Variants in DMAC2 observed in about 807,000 individuals in gnomAD.
DMAC2 encodes distal membrane-arm assembly complex protein 2.
A neutral mutation model predicts 29.6 loss-of-function variants in DMAC2; 32 were observed. The observed-to-expected ratio is 1.08, with a 90% CI of 0.81 to 1.45. The LOEUF (loss-of-function observed/expected upper bound fraction) is 1.45. Among genes scored for constraint, DMAC2 ranks in the 40% most tolerant of loss-of-function variants. The pLI, the probability that DMAC2 is intolerant of heterozygous loss-of-function variation, is 0.00. For missense variants in DMAC2, 319 were observed against 340.0 expected, an observed-to-expected ratio of 0.94 and a Z score of 0.49; for synonymous variants, 133 against 137.4, an observed-to-expected ratio of 0.97 and a Z score of 0.23.
Position 41,431,913 on chromosome 19 carries a change from C to A in DMAC2, c.*318G>T. 2.5e-6 allele frequency: 1 copy of A among 405,530 alleles called. No homozygotes were observed. The highest frequency in any genetic ancestry group is 4.6e-6 in the Non-Finnish European group (1 of 219,138). The allele number at this position is 405,530 out of a possible 1,614,324, so 25.1% of individuals were successfully genotyped here. On this transcript the variant is annotated 3_prime_UTR_variant, in exon 6 of 6. Coordinates refer to ENST00000221943, the MANE Select transcript of DMAC2 (RefSeq NM_018035.3). ...CCTGCAAGAAATGGCAGTGCACTCA[C>A]ATAAGGACAGTTTGAGAAGAGTCTC...
rs1349870222 is a variant in DMAC2 at position 41,432,674 on chromosome 19, G to GTGTGTGTGTGTGTGTGTGTA, written c.597-267_597-266insTACACACACACACACACACA. 4.4e-5 allele frequency: 16 copies of GTGTGTGTGTGTGTGTGTGTA among 366,046 alleles called. 1 individual carries two copies. Among genetic ancestry groups the GTGTGTGTGTGTGTGTGTGTA allele is most frequent in the Middle Eastern group, 8.1e-4 (1 of 1,240 alleles). The allele number at this position is 366,046 out of a possible 1,614,324, so 22.7% of individuals were successfully genotyped here. ...ACAGCGTGTGTGTGTGTGTGTGTGTGTGTATAGGGAGATAAGCCAGTATAA... is the reference window on the plus strand; with the variant it reads ...ACAGCGTGTGTGTGTGTGTGTGTGTGTGTGTGTGTGTGTGTGTGTATGTATAGGGAGATAAGCCAGTATAA... On this transcript the variant is annotated intron_variant, in intron 5 of 5. Transcript: ENST00000221943.
rs2122184673 is a variant in DMAC2 at position 41,432,294 on chromosome 19, A to G, written c.711T>C (p.Ala237=). The stretch of plus-strand genomic sequence containing the variant: ...CCTCCGGCCCTGACTTCAGGCCCTC[A>G]GCCCAGTCGACTCCCACAACCTCGC... The part of the protein sequence containing the change: ...PNCEVVGVDW[A]EGLKSGPEEQ... The change falls in exon 6 of 6, where the codon GCT becomes GCC. Residue 237 remains alanine, a synonymous_variant. Coordinates refer to ENST00000221943, the MANE Select transcript of DMAC2 (RefSeq NM_018035.3). The G allele has an allele frequency of 6.2e-7, 1 of 1,614,172 alleles. No individual in the cohort carries two copies. The highest frequency in any genetic ancestry group is 8.5e-7 in the Non-Finnish European group (1 of 1,180,018).
At position 41,433,393 on chromosome 19, in the gene DMAC2, A is replaced by AGCAGCGCT; in HGVS notation, c.467_474dup (p.Cys159SerfsTer85). On this transcript the variant is annotated frameshift_variant, in exon 5 of 6. Transcript: ENST00000221943. LOFTEE classifies it high-confidence loss of function. The stretch of plus-strand genomic sequence containing the variant: ...CTGAGACACCAGTCGTCCACGTGGC[A>AGCAGCGCT]GCAGCGCTGCAGCGACAAGGACTGG... 1 of 1,613,478 alleles carries AGCAGCGCT rather than the reference A, an allele frequency of 6.2e-7. No individual in the cohort carries two copies. Among genetic ancestry groups the AGCAGCGCT allele is most frequent in the African/African-American group, 1.3e-5 (1 of 75,056 alleles).
Position 41,433,689 on chromosome 19 carries a change from G to C in DMAC2, c.297-16C>G, listed in dbSNP as rs782757473. The C allele has an allele frequency of 1.8e-5, 29 of 1,613,992 alleles. No homozygotes were observed. Among genetic ancestry groups the C allele is most frequent in the Non-Finnish European group, 8.5e-7 (1 of 1,179,964 alleles). On this transcript the variant is annotated splice_polypyrimidine_tract_variant and intron_variant, in intron 3 of 5. Coordinates refer to ENST00000221943, the MANE Select transcript of DMAC2 (RefSeq NM_018035.3). The stretch of plus-strand genomic sequence containing the variant: ...GTCTCGAAACCTGGAAACGGGAAAG[G>C]GAGTGTCAGCAGGGCACCTGAACCT...
intron 5 of DMAC2, chr19:41,432,618 A>ATG (rs146967268): frequency 1.8e-3 from 557 of 316,994 alleles, no homozygotes; most frequent in Middle Eastern, 2.8e-3. Flanking sequence ...TAAGGACAGC[A>ATG]TGTGTGTGTG....
intron 3 of DMAC2, among the ~76,000 whole-genome samples, chr19:41,434,751 C>T (rs1010903850): frequency 2.6e-5 from 4 of 151,752 alleles, no homozygotes; most frequent in Non-Finnish European, 5.9e-5. Context: ...CGCCTGTAAT[C>T]CCCAGCACTT....
rs369797390 is a variant in DMAC2 at position 41,438,465 on chromosome 19, C to G, written c.19-51G>C. ...TGAGCCTGGAGCCTCCTGGGAGACA[C>G]AGAGCTGGATCCCCCAGTTCTTGCT... On this transcript the variant is annotated intron_variant, in intron 1 of 5. Coordinates refer to ENST00000221943, the MANE Select transcript of DMAC2 (RefSeq NM_018035.3). The G allele has an allele frequency of 7.3e-5, 107 of 1,475,770 alleles. 1 individual carries two copies. The highest frequency in any genetic ancestry group is 4.6e-4 in the Middle Eastern group (2 of 4,354). The allele number at this position is 1,475,770 out of a possible 1,614,324, so 91.4% of individuals were successfully genotyped here.
At chr19:41,432,429 C>A (rs147501833) in intron 5 of DMAC2, 21 bp from the exon 6 acceptor site, 19,918 of 1,610,824 alleles carry the variant, frequency 0.012, 165 homozygotes, top group Middle Eastern at 0.018. Flanking sequence ...GTGAGAAGGA[C>A]AGGAAGCCAG....
rs1437765809 is a variant in DMAC2, at chr19:41,431,487, G to A, written c.*744C>T. 3 of 365,196 alleles carry A rather than the reference G, an allele frequency of 8.2e-6. No homozygotes were observed. Among genetic ancestry groups the A allele is most frequent in the East Asian group, 7.3e-5 (1 of 13,680 alleles). 22.6% of individuals were successfully genotyped at this position (365,196 alleles called of 1,614,324 possible). On this transcript the variant is annotated 3_prime_UTR_variant, in exon 6 of 6. Transcript: ENST00000221943. ...TCAGTGGAGGCGCTGTGTCTCCTAC[G>A]CAACTTCTGAGGGCTGGAGGGTGCC...
intron 3 of DMAC2, among the ~76,000 whole-genome samples, chr19:41,435,856 A>G (rs1206114682): frequency 6.7e-6 from 1 of 149,176 alleles, no homozygotes; most frequent in African/African-American, 2.5e-5. Flanking sequence ...CAGTGTGCCC[A>G]GCTCCGTTCA....
chr19:41,434,908 A>G (rs2122230812), intron 3 of DMAC2, among the ~76,000 whole-genome samples: 1 of 151,940 alleles, frequency 6.6e-6, no homozygotes, highest in East Asian at 2.0e-4. Flanking sequence ...TGGGAGGCTG[A>G]GGCAGGAGAA....
intron 5 of DMAC2, chr19:41,432,966 A>G: frequency 1.9e-6 from 1 of 514,964 alleles, no homozygotes; most frequent in Admixed American, 3.7e-5. Context: ...TAAAATCTTT[A>G]TAGCTGTCCA....
At chr19:41,439,758 G>T in intron 1 of DMAC2, 124 bp downstream of exon 1, 1 of 1,509,448 alleles carries the variant, frequency 6.6e-7, no homozygotes, top group Non-Finnish European at 9.2e-7. Flanking sequence ...CCCAGTACGG[G>T]GCTTGCCAGG....
chr19:41,433,442 G>C lies in DMAC2; in HGVS notation c.434-8C>G. 1.2e-6 allele frequency: 2 copies of C among 1,613,242 alleles called. No homozygotes were observed. The highest frequency in any genetic ancestry group is 1.7e-6 in the Non-Finnish European group (2 of 1,179,342). Reference sequence around the variant, plus strand: ...GGAGCTCCTTCAGGCGGACTGCGGTGGGGAGAGGGTGGGATGGCACCAGGA... The same window carrying C: ...GGAGCTCCTTCAGGCGGACTGCGGTCGGGAGAGGGTGGGATGGCACCAGGA... On this transcript the variant is annotated splice_polypyrimidine_tract_variant and splice_region_variant and intron_variant, in intron 4 of 5. Coordinates refer to ENST00000221943, the MANE Select transcript of DMAC2 (RefSeq NM_018035.3).
chr19:41,432,372 G>A lies in DMAC2; in HGVS notation c.633C>T (p.Ala211=), dbSNP rs534167049. 2.5e-6 allele frequency: 4 copies of A among 1,614,052 alleles called. No individual in the cohort carries two copies. Among genetic ancestry groups the A allele is most frequent in the East Asian group, 2.2e-5 (1 of 44,886 alleles). Residue 211 remains alanine, a synonymous_variant, in exon 6 of 6, where the codon GCC becomes GCT. Transcript: ENST00000221943. ...TCTGAGTGAGGCCAGGGTTGGACACGGCAGGGAGGTCCGAGATGTCCAGCC... is the reference window on the plus strand; with the variant it reads ...TCTGAGTGAGGCCAGGGTTGGACACAGCAGGGAGGTCCGAGATGTCCAGCC... ...LRRLDISDLP[A]VSNPGLTQIL...
intron 5 of DMAC2, 132 bp downstream of exon 5, chr19:41,433,140 A>G (rs1255509153): frequency 3.1e-6 from 3 of 978,454 alleles, no homozygotes; most frequent in Non-Finnish European, 4.4e-6. Flanking sequence ...TACCATAAAT[A>G]CTCTAGGTTT....
At position 41,437,777 on chromosome 19, in the gene DMAC2, G is replaced by A. The variant is rs181546860; in HGVS notation, c.215+441C>T. On this transcript the variant is annotated intron_variant, in intron 2 of 5. Coordinates refer to ENST00000221943, the MANE Select transcript of DMAC2 (RefSeq NM_018035.3). ...ATTCAACTATAAGGGATCAGGCTACGAATGGTGAAGGCAGTGAGAACTGGT... is the reference window on the plus strand; with the variant it reads ...ATTCAACTATAAGGGATCAGGCTACAAATGGTGAAGGCAGTGAGAACTGGT... 2.6e-5 allele frequency among the ~76,000 whole-genome samples: 4 copies of A among 152,218 alleles called. No homozygotes were observed. The East Asian group carries it at 7.7e-4, about 29-fold the overall frequency.
rs782756554 is a variant in DMAC2 at position 41,433,387 on chromosome 19, C to T, written c.481G>A (p.Val161Met). 1.2e-5 allele frequency: 20 copies of T among 1,613,162 alleles called. No individual in the cohort carries two copies. The highest frequency in any genetic ancestry group is 8.3e-5 in the Admixed American group (5 of 60,000). The change falls in exon 5 of 6, where the codon GTG (valine) becomes ATG (methionine). Residue 161 changes from valine (V) to methionine (M), a missense_variant. By Grantham distance (21) the Val-to-Met change is conservative (BLOSUM62 1). Coordinates refer to ENST00000221943, the MANE Select transcript of DMAC2 (RefSeq NM_018035.3). ...QSLSLQRCCHVDDWCLSRLYP... is the reference protein window; with the variant it reads ...QSLSLQRCCHMDDWCLSRLYP... Reference sequence around the variant, plus strand: ...AGGCGGCTGAGACACCAGTCGTCCACGTGGCAGCAGCGCTGCAGCGACAAG... The same window carrying T: ...AGGCGGCTGAGACACCAGTCGTCCATGTGGCAGCAGCGCTGCAGCGACAAG...
chr19:41,436,983 G>A (rs1385101892), intron 2 of DMAC2, among the ~76,000 whole-genome samples: 1 of 152,166 alleles, frequency 6.6e-6, no homozygotes, highest in African/African-American at 2.4e-5. Context: ...GGCCAGTGGA[G>A]TCCTGATAGG....
Sources: gnomAD v4.1 joint callset for allele counts (sites outside exome capture counted in the v4.1 genomes callset) on GRCh38, gnomAD v4.1.1 for gene constraint, MANE v1.5 for transcripts, NCBI Gene and HGNC (gene_info 2026-07-23, HGNC 2026-07-21) for gene names.